Variants in CTNNA2 observed in about 807,000 individuals in gnomAD.
The protein encoded by CTNNA2 is catenin alpha 2.
CTNNA2 carries 42 observed loss-of-function variants against 101.0 expected under a neutral mutation model. The ratio of observed to expected loss-of-function variants is 0.42; its 90% CI spans 0.32 to 0.54. CTNNA2 has a LOEUF of 0.54. CTNNA2 is among the 20% of genes least tolerant of loss of function. The pLI is 0.14. For missense variants in CTNNA2, 871 were observed against 1,223.1 expected, an observed-to-expected ratio of 0.71 and a Z score of 4.29; for synonymous variants, 450 against 456.4, an observed-to-expected ratio of 0.99 and a Z score of 0.18.
chr2:79,826,708 T>G (rs536656844), intron 3 of CTNNA2, among the ~76,000 whole-genome samples: 1 of 152,348 alleles, frequency 6.6e-6, no homozygotes, highest in African/African-American at 2.4e-5. Context: ...TCCATTACCT[T>G]CAACTTCCTT....
At chr2:80,411,327 A>C (rs1278729389) in intron 8 of CTNNA2, among the ~76,000 whole-genome samples, 1 of 152,086 alleles carries the variant, frequency 6.6e-6, no homozygotes, top group Non-Finnish European at 1.5e-5. Flanking sequence ...AGAATCTCAT[A>C]GTGAGTATCG....
intron 7 of CTNNA2, among the ~76,000 whole-genome samples, chr2:79,942,837 T>C (rs972164336): frequency 6.6e-6 from 1 of 152,074 alleles, no homozygotes; most frequent in Non-Finnish European, 1.5e-5. Context: ...AATGTAGAAA[T>C]GAAAAACCCT....
intron 7 of CTNNA2, among the ~76,000 whole-genome samples, chr2:80,009,694 A>G (rs1386005972): frequency 6.6e-6 from 1 of 151,354 alleles, no homozygotes; most frequent in Admixed American, 6.6e-5. Flanking sequence ...GGATACTAGA[A>G]AAAATGTAGA....
chr2:79,497,920 T>G (rs889288363), intron 4 of CTNNA2: 1 of 152,242 alleles, frequency 6.6e-6, no homozygotes, highest in African/African-American at 2.4e-5. Flanking sequence ...TTGGCTTATA[T>G]AAAAGTACAG....
intron 7 of CTNNA2, among the ~76,000 whole-genome samples, chr2:80,137,445 C>T (rs540788134): frequency 1.1e-4 from 16 of 152,156 alleles, no homozygotes; most frequent in Admixed American, 2.6e-4. Context: ...ATAGGAGATA[C>T]GAACTAACAG....
chr2:80,606,400 ACACACACACACACC>A lies in CTNNA2; in HGVS notation c.2296-1782_2296-1769del, dbSNP rs1198774881. ...CACACACACACACACACACACACAC[ACACACACACACACC>A]CCCCAGGATACATTTATTTTGAGAT... On this transcript the variant is annotated intron_variant, in intron 16 of 18. Coordinates refer to ENST00000402739, the MANE Select transcript of CTNNA2 (RefSeq NM_001282597.3). Among the ~76,000 whole-genome samples, 625 of 121,590 alleles carry A rather than the reference ACACACACACACACC, an allele frequency of 5.1e-3. 4 individuals are homozygous for A. Among genetic ancestry groups the A allele is most frequent in the African/African-American group, 0.017 (496 of 28,582 alleles). The allele number at this position is 121,590 out of a possible 152,430, so 79.8% of individuals were successfully genotyped here.
intron 11 of CTNNA2, among the ~76,000 whole-genome samples, chr2:80,554,007 A>C (rs1298632998): frequency 6.6e-6 from 1 of 152,148 alleles, no homozygotes; most frequent in Non-Finnish European, 1.5e-5. Flanking sequence ...TTCTATTCTA[A>C]TTTATAGTTG....
chr2:79,975,569 T>C (rs187916248), intron 7 of CTNNA2, among the ~76,000 whole-genome samples: 48 of 152,204 alleles, frequency 3.2e-4, no homozygotes, highest in African/African-American at 7.7e-4. Context: ...CAAGCACAGG[T>C]TGTGGCCTGT....
At chr2:79,710,414 T>C (rs1183750963) in intron 2 of CTNNA2, among the ~76,000 whole-genome samples, 1 of 152,204 alleles carries the variant, frequency 6.6e-6, no homozygotes, top group African/African-American at 2.4e-5. Flanking sequence ...TATTTTGAAC[T>C]GTCTAGGAAT....
chr2:79,963,623 G>T (rs967864148), intron 7 of CTNNA2, among the ~76,000 whole-genome samples: 2 of 152,170 alleles, frequency 1.3e-5, no homozygotes, highest in African/African-American at 4.8e-5. Context: ...CTGCTTTGCT[G>T]CCAGCAGAAA....
At chr2:79,510,552 GAGTT>G (rs986328565), upstream of CTNNA2, among the ~76,000 whole-genome samples, 32 of 152,286 alleles carry the variant, frequency 2.1e-4, no homozygotes, top group African/African-American at 7.5e-4. Context: ...AAACATAAAA[GAGTT>G]AGTAAATTCC....
chr2:80,313,952 A>G (rs1677854019), intron 7 of CTNNA2, among the ~76,000 whole-genome samples: 1 of 152,198 alleles, frequency 6.6e-6, no homozygotes, highest in African/African-American at 2.4e-5. Context: ...TTTCCAAGAA[A>G]GGTGATTTCA....
chr2:79,220,667 G>A (rs540907492), intron 2 of CTNNA2, among the ~76,000 whole-genome samples: 1 of 152,238 alleles, frequency 6.6e-6, no homozygotes, highest in South Asian at 2.1e-4. Flanking sequence ...AAACCTTAAA[G>A]GTTGGCCAGA....
At chr2:80,193,442 G>C (rs551823905) in intron 7 of CTNNA2, among the ~76,000 whole-genome samples, 1 of 152,138 alleles carries the variant, frequency 6.6e-6, no homozygotes, top group South Asian at 2.1e-4. Context: ...GTGTAAGTCA[G>C]GCATGTATGC....
chr2:79,760,706 A>G (rs1304417837), intron 3 of CTNNA2, among the ~76,000 whole-genome samples: 1 of 152,232 alleles, frequency 6.6e-6, no homozygotes, highest in Non-Finnish European at 1.5e-5. Context: ...ATAGGTAATA[A>G]TTGATAAGTA....
intron 7 of CTNNA2, among the ~76,000 whole-genome samples, chr2:79,928,455 T>G (rs1687177790): frequency 1.3e-5 from 2 of 152,238 alleles, no homozygotes; most frequent in South Asian, 4.1e-4. Context: ...AATATACTAT[T>G]CTATTCATTA....
chr2:79,667,315 A>T (rs1400075432), intron 2 of CTNNA2, among the ~76,000 whole-genome samples: 1 of 152,106 alleles, frequency 6.6e-6, no homozygotes, highest in Non-Finnish European at 1.5e-5. Context: ...AAGAGCAATC[A>T]GTGTTTTCTT....
intron 2 of CTNNA2, among the ~76,000 whole-genome samples, chr2:79,208,049 G>T (rs1674123358): frequency 6.6e-6 from 1 of 152,120 alleles, no homozygotes; most frequent in Non-Finnish European, 1.5e-5. Flanking sequence ...CATATTTCAA[G>T]ATAAGACCAG....
At chr2:79,243,829 A>T (rs1674664671) in intron 2 of CTNNA2, among the ~76,000 whole-genome samples, 1 of 152,184 alleles carries the variant, frequency 6.6e-6, no homozygotes, top group East Asian at 1.9e-4. Flanking sequence ...AATGGGAGCA[A>T]AAGAAAGGAG....
Sources: gnomAD v4.1 joint callset for allele counts (sites outside exome capture counted in the v4.1 genomes callset) on GRCh38, gnomAD v4.1.1 for gene constraint, MANE v1.5 for transcripts, NCBI Gene and HGNC (gene_info 2026-07-23, HGNC 2026-07-21) for gene names.